Variants in DSC2 observed in about 807,000 individuals in gnomAD.
DSC2 encodes desmocollin 2.
In DSC2, 51 loss-of-function variants were observed where a neutral mutation model predicts 87.6. That is an observed-to-expected ratio of 0.58 (90% CI 0.46 to 0.74). The LOEUF (loss-of-function observed/expected upper bound fraction) is 0.74. Among genes scored for constraint, DSC2 ranks in the 30% least tolerant of loss-of-function variants. The pLI, the probability that DSC2 is intolerant of heterozygous loss-of-function variation, is 0.00. For missense variants in DSC2, 1,066 were observed against 1,089.5 expected (o/e 0.98, Z 0.30); for synonymous variants, 383 against 393.2 (o/e 0.97, Z 0.31).
At position 31,093,721 on chromosome 18, in the gene DSC2, T is replaced by C. The variant is rs940879339; in HGVS notation, c.70-78A>G. On this transcript the variant is annotated intron_variant, in intron 1 of 15. Coordinates refer to ENST00000280904, the MANE Select transcript of DSC2 (RefSeq NM_024422.6). ...ATGTGTATATTATTTATATAAATTA[T>C]AAATTTATAATGATATACACATAAA... 8 of 672,554 alleles carry C rather than the reference T, an allele frequency of 1.2e-5. No individual in the cohort carries two copies. In the East Asian group the frequency reaches 4.0e-4, roughly 34 times the overall value. The allele number at this position is 672,554 out of a possible 1,614,324, so 41.7% of individuals were successfully genotyped here.
rs1432852100 is a variant in DSC2, at chr18:31,071,727, A to C, written c.2003T>G (p.Leu668Arg). ...MSSVTSLDVT[L>R]CDCITENDCT... ...GTCATTTTCGGTAATGCAGTCACAC[A>C]GTGTAACATCCAATGAAGTGACACT... Residue 668 changes from leucine (L) to arginine (R), a missense_variant, in exon 13 of 16, where the codon CTG becomes CGG. Transcript: ENST00000280904. The C allele has an allele frequency of 6.2e-7, 1 of 1,613,944 alleles. No individual in the cohort carries two copies. Among genetic ancestry groups the C allele is most frequent in the Admixed American group, 1.7e-5 (1 of 60,004 alleles).
At chr18:31,075,627 G>T (rs1268044933) in intron 11 of DSC2, among the ~76,000 whole-genome samples, 1 of 152,202 alleles carries the variant, frequency 6.6e-6, no homozygotes, top group African/African-American at 2.4e-5. Context: ...GAGGTGGGCA[G>T]ATCACCTGAG....
intron 15 of DSC2, chr18:31,068,446 G>A (rs532133134): frequency 2.4e-4 from 291 of 1,232,756 alleles, no homozygotes; most frequent in Non-Finnish European, 3.3e-4. Context: ...CAAGTATACA[G>A]GTGTTCATTT....
At chr18:31,090,850 C>G (rs1188630972) in intron 4 of DSC2, among the ~76,000 whole-genome samples, 178 bp downstream of exon 4, 1 of 152,088 alleles carries the variant, frequency 6.6e-6, no homozygotes, top group Non-Finnish European at 1.5e-5. Flanking sequence ...GCAAGCTGAA[C>G]AAAAGTGTAT....
In DSC2 at chr18:31,065,020, T is replaced by G. The variant is rs1282189735; in HGVS notation, c.*2995A>C. The G allele has an allele frequency of 1.3e-5, 2 of 152,244 alleles. No homozygotes were observed. The highest frequency in any genetic ancestry group is 2.9e-5 in the Non-Finnish European group (2 of 68,054). The allele number at this position is 152,244 out of a possible 1,614,324, so 9.4% of individuals were successfully genotyped here. A position where few individuals can be genotyped will look rare whatever the true frequency, so the allele number is the denominator to read the frequency against. On this transcript the variant is annotated 3_prime_UTR_variant, in exon 16 of 16. Coordinates refer to ENST00000280904, the MANE Select transcript of DSC2 (RefSeq NM_024422.6). The stretch of plus-strand genomic sequence containing the variant: ...GAAGATCTTGCTGCTTTTCATTTGC[T>G]GAAGAAGCACCAGCCATTTCTTCGG...
intron 5 of DSC2, among the ~76,000 whole-genome samples, 157 bp from the exon 6 acceptor site, chr18:31,087,970 C>G (rs1412063316): frequency 6.6e-6 from 1 of 152,100 alleles, no homozygotes; most frequent in East Asian, 1.9e-4. Flanking sequence ...ATTTTAATGC[C>G]AAAGAGGTGC....
intron 1 of DSC2, among the ~76,000 whole-genome samples, chr18:31,095,325 G>A (rs1228972620): frequency 6.6e-6 from 1 of 152,256 alleles, no homozygotes; most frequent in African/African-American, 2.4e-5. Context: ...ACAGTCAATG[G>A]CAAATGATGT....
chr18:31,092,761 A>C (rs1011126686), intron 2 of DSC2, among the ~76,000 whole-genome samples: 1 of 152,144 alleles, frequency 6.6e-6, no homozygotes, highest in African/African-American at 2.4e-5. Context: ...TTTCTTACAG[A>C]ATTATGTGAA....
chr18:31,072,702 A>C (rs1390185846), intron 12 of DSC2, among the ~76,000 whole-genome samples: 2 of 152,174 alleles, frequency 1.3e-5, no homozygotes, highest in African/African-American at 4.8e-5. Context: ...TACTACTCTA[A>C]ATGCAGATAC....
intron 2 of DSC2, 145 bp downstream of exon 2, chr18:31,093,414 G>C: frequency 1.9e-6 from 1 of 526,932 alleles, no homozygotes; most frequent in Non-Finnish European, 3.5e-6. Flanking sequence ...TCCTGTGTTA[G>C]TTTGCTGAGA....
At position 31,059,719 on chromosome 18, in the gene DSC2, T is replaced by C. The variant is rs1002774521; in HGVS notation, c.*8296A>G. 2 of 152,224 alleles carry C rather than the reference T, an allele frequency of 1.3e-5. No homozygotes were observed. Among genetic ancestry groups the C allele is most frequent in the South Asian group, 2.1e-4 (1 of 4,828 alleles). 9.4% of individuals were successfully genotyped at this position (152,224 alleles called of 1,614,324 possible). A position where few individuals can be genotyped will look rare whatever the true frequency, so the allele number is the denominator to read the frequency against. On this transcript the variant is annotated 3_prime_UTR_variant, in exon 16 of 16. Transcript: ENST00000280904. ...ACTCAATATCTTAGTGTATTACAGA[T>C]AGTCTCATATTTATTTAAATGTGAG...
Position 31,070,867 on chromosome 18 carries a change from A to C in DSC2, c.2126-17T>G, listed in dbSNP as rs1567972673. 6.2e-7 allele frequency: 1 copy of C among 1,613,270 alleles called. No homozygotes were observed. The highest frequency in any genetic ancestry group is 8.5e-7 in the Non-Finnish European group (1 of 1,179,412). On this transcript the variant is annotated splice_polypyrimidine_tract_variant and intron_variant, in intron 13 of 15. Transcript: ENST00000280904. Reference sequence around the variant, plus strand: ...ACAGGATGCCTGGAGGAAGAAAGAAATATACTTGAGTTTATCATAAAATAA... The same window carrying C: ...ACAGGATGCCTGGAGGAAGAAAGAACTATACTTGAGTTTATCATAAAATAA...
chr18:31,090,931 T>C, intron 4 of DSC2, 97 bp downstream of exon 4: 1 of 1,533,624 alleles, frequency 6.5e-7, no homozygotes, highest in East Asian at 2.3e-5. Context: ...CACTCACATA[T>C]TTATACACAA....
chr18:31,094,547 C>G (rs1256468133), intron 1 of DSC2, among the ~76,000 whole-genome samples: 1 of 152,148 alleles, frequency 6.6e-6, no homozygotes, highest in Non-Finnish European at 1.5e-5. Flanking sequence ...GGATGTTTCT[C>G]AAAGATTCAC....
chr18:31,064,295 G>C lies in DSC2; in HGVS notation c.*3720C>G, dbSNP rs1028873414. ...CCACCGTGTCTTGACTTGCATTCAA[G>C]TGTGTGGGTGGGGAGAGTGGCTGAT... On this transcript the variant is annotated 3_prime_UTR_variant, in exon 16 of 16. Coordinates refer to ENST00000280904, the MANE Select transcript of DSC2 (RefSeq NM_024422.6). 2.0e-5 allele frequency: 3 copies of C among 152,216 alleles called. No homozygotes were observed. The highest frequency in any genetic ancestry group is 7.2e-5 in the African/African-American group (3 of 41,454). The allele number at this position is 152,216 out of a possible 1,614,324, so 9.4% of individuals were successfully genotyped here.
At chr18:31,086,462 T>C in intron 7 of DSC2, 114 bp downstream of exon 7, 1 of 1,287,228 alleles carries the variant, frequency 7.8e-7, no homozygotes, top group South Asian at 1.2e-5. Context: ...CATAAAATAA[T>C]AATGTTTCTA....
intron 12 of DSC2, among the ~76,000 whole-genome samples, chr18:31,072,841 T>A (rs1986878407): frequency 6.6e-6 from 1 of 152,212 alleles, no homozygotes; most frequent in South Asian, 2.1e-4. Context: ...TAAGTCCATC[T>A]TAAGAGAAGC....
rs144593182 is a variant in DSC2 at position 31,070,260 on chromosome 18, A to G, written c.2250+466T>C. ...CCACTTGCTAGCATTGCTATTTCAT[A>G]TATTTGGCCTCAGGCTGTTTCCTAA... On this transcript the variant is annotated intron_variant, in intron 14 of 15. Coordinates refer to ENST00000280904, the MANE Select transcript of DSC2 (RefSeq NM_024422.6). 2.1e-3 allele frequency among the ~76,000 whole-genome samples: 327 copies of G among 152,310 alleles called. 1 individual carries two copies. Among genetic ancestry groups the G allele is most frequent in the Non-Finnish European group, 3.7e-3 (250 of 68,034 alleles).
In DSC2 at chr18:31,061,945, C is replaced by T. The variant is rs1986510199; in HGVS notation, c.*6070G>A. 1 of 152,122 alleles carries T rather than the reference C, an allele frequency of 6.6e-6. No homozygotes were observed. Among genetic ancestry groups the T allele is most frequent in the African/African-American group, 2.4e-5 (1 of 41,418 alleles). The allele number at this position is 152,122 out of a possible 1,614,324, so 9.4% of individuals were successfully genotyped here. A position where few individuals can be genotyped will look rare whatever the true frequency, so the allele number is the denominator to read the frequency against. On this transcript the variant is annotated 3_prime_UTR_variant, in exon 16 of 16. Transcript: ENST00000280904. Reference sequence around the variant, plus strand: ...TAATAAAGGGGGTCATACAACTGATCCCCTCTCCCCAGAAAGCAAAACACA... The same window carrying T: ...TAATAAAGGGGGTCATACAACTGATTCCCTCTCCCCAGAAAGCAAAACACA...
Sources: gnomAD v4.1 joint callset for allele counts (sites outside exome capture counted in the v4.1 genomes callset) on GRCh38, gnomAD v4.1.1 for gene constraint, MANE v1.5 for transcripts, NCBI Gene and HGNC (gene_info 2026-07-23, HGNC 2026-07-21) for gene names.